Variants in CPNE8 observed in about 807,000 individuals in gnomAD.
The protein encoded by CPNE8 is copine-8.
A neutral mutation model predicts 81.5 loss-of-function variants in CPNE8; 45 were observed. That is an observed-to-expected ratio of 0.55 (90% CI 0.44 to 0.71). The LOEUF (loss-of-function observed/expected upper bound fraction) is 0.71, where lower values mean the gene tolerates loss of function less well. CPNE8 is among the 30% of genes least tolerant of loss of function. The pLI is 0.00. For missense variants in CPNE8, 594 were observed against 672.1 expected, an observed-to-expected ratio of 0.88 and a Z score of 1.28; for synonymous variants, 252 against 226.3, an observed-to-expected ratio of 1.11 and a Z score of -1.02.
rs1374762346 is a variant in CPNE8 at position 38,653,888 on chromosome 12, T to C, written c.1689A>G (p.Gln563=). The C allele has an allele frequency of 1.9e-6, 3 of 1,611,936 alleles. No individual in the cohort carries two copies. Among genetic ancestry groups the C allele is most frequent in the South Asian group, 2.2e-5 (2 of 90,534 alleles). Residue 563 remains glutamine (Q), a synonymous_variant, in exon 20 of 20, where the codon CAA becomes CAG. Transcript: ENST00000331366. ...YTPPTHVLQT[Q]I is the part of the protein sequence containing the mutation. ...TTAGCATTTCAGAGCACAGTCATAT[T>C]TGAGTCTGTAACACATGTGTAGGTG... is the stretch of plus-strand genomic sequence containing the variant.
chr12:38,844,129 A>C (rs976076530), intron 4 of CPNE8, among the ~76,000 whole-genome samples: 5 of 152,204 alleles, frequency 3.3e-5, no homozygotes, highest in African/African-American at 1.2e-4. Flanking sequence ...ATATTTTATA[A>C]TAACATTATA....
At chr12:38,682,328 C>A (rs565262129) in intron 16 of CPNE8, among the ~76,000 whole-genome samples, 2 of 152,194 alleles carry the variant, frequency 1.3e-5, no homozygotes, top group East Asian at 1.9e-4. Context: ...GAGGCCAAGG[C>A]GGGCGGATCG....
chr12:38,787,731 A>G (rs1291027360), intron 6 of CPNE8, among the ~76,000 whole-genome samples: 1 of 151,688 alleles, frequency 6.6e-6, no homozygotes, highest in African/African-American at 2.4e-5. Context: ...AGAAGAGCCA[A>G]ATAAATAAAA....
chr12:38,655,395 G>T (rs929375098), intron 19 of CPNE8, among the ~76,000 whole-genome samples: 8 of 152,130 alleles, frequency 5.3e-5, no homozygotes, highest in Admixed American at 5.2e-4. Context: ...ACTTTGAAGT[G>T]ATTGGAACTG....
rs1354780905 is a variant in CPNE8 at position 38,652,450 on chromosome 12, T to G, written c.*1432A>C. 2.6e-5 allele frequency: 4 copies of G among 152,576 alleles called. No individual in the cohort carries two copies. The highest frequency in any genetic ancestry group is 2.6e-4 in the Admixed American group (4 of 15,272). 9.5% of individuals were successfully genotyped at this position (152,576 alleles called of 1,614,324 possible). ...ACTGTTAGATATGTGGATGTATATA[T>G]TTTTCTTTCCAGTAAAATAGTTTCA... On this transcript the variant is annotated 3_prime_UTR_variant, in exon 20 of 20. Coordinates refer to ENST00000331366, the MANE Select transcript of CPNE8 (RefSeq NM_153634.3).
intron 5 of CPNE8, among the ~76,000 whole-genome samples, chr12:38,835,435 A>T (rs1943363673): frequency 6.6e-6 from 1 of 152,128 alleles, no homozygotes; most frequent in Non-Finnish European, 1.5e-5. Flanking sequence ...TATCTTAATC[A>T]CTTATTGTAT....
intron 19 of CPNE8, among the ~76,000 whole-genome samples, chr12:38,656,964 C>T (rs775518250): frequency 1.3e-5 from 2 of 152,142 alleles, no homozygotes; most frequent in Non-Finnish European, 1.5e-5. Context: ...GTGACAGACA[C>T]AGAAGATGGG....
At chr12:38,891,898 A>C (rs964279213) in intron 1 of CPNE8, among the ~76,000 whole-genome samples, 16 of 152,288 alleles carry the variant, frequency 1.1e-4, no homozygotes, top group African/African-American at 3.9e-4. Flanking sequence ...TTTTGTAATA[A>C]TCAATGATAA....
At chr12:38,754,094 A>G (rs1408877109) in intron 10 of CPNE8, among the ~76,000 whole-genome samples, 1 of 152,234 alleles carries the variant, frequency 6.6e-6, no homozygotes, top group Non-Finnish European at 1.5e-5. Flanking sequence ...ATGACTTTCA[A>G]TGTACAAGGA....
At chr12:38,808,364 A>T (rs1054153233) in intron 6 of CPNE8, among the ~76,000 whole-genome samples, 4 of 152,108 alleles carry the variant, frequency 2.6e-5, no homozygotes, top group African/African-American at 9.7e-5. Context: ...CAAATGTCCA[A>T]CAACGATAGA....
intron 7 of CPNE8, among the ~76,000 whole-genome samples, chr12:38,771,214 T>C (rs1941792661): frequency 6.6e-6 from 1 of 151,932 alleles, no homozygotes; most frequent in South Asian, 2.1e-4. Flanking sequence ...ACCCCAGCGC[T>C]TTGGGAGGGC....
rs567490684 is a variant in CPNE8 at position 38,887,839 on chromosome 12, C to T, written c.99-13328G>A. ...AATACATTACACCATTCCCTAACTA[C>T]GTTACAACACTTGAGATTATATATC... On this transcript the variant is annotated intron_variant, in intron 1 of 19. Transcript: ENST00000331366. Among the ~76,000 whole-genome samples the T allele has an allele frequency of 4.6e-5, 7 of 152,288 alleles. No homozygotes were observed. The South Asian group carries it at 6.2e-4, about 14-fold the overall frequency.
At chr12:38,888,140 G>T (rs1324824448) in intron 1 of CPNE8, among the ~76,000 whole-genome samples, 2 of 152,152 alleles carry the variant, frequency 1.3e-5, no homozygotes, top group Non-Finnish European at 2.9e-5. Flanking sequence ...ACATACTGCT[G>T]CCTTCCAAGC....
At position 38,905,548 on chromosome 12, in the gene CPNE8, G is replaced by A. The variant is rs1247604226; in HGVS notation, c.-14C>T. On this transcript the variant is annotated 5_prime_UTR_variant, in exon 1 of 20. Coordinates refer to ENST00000331366, the MANE Select transcript of CPNE8 (RefSeq NM_153634.3). ...GCGGCTGTCCATATTGGGAGGAGGCGCCTTGGACTTGTCCGGCGCCCACAA... is the reference window on the plus strand; with the variant it reads ...GCGGCTGTCCATATTGGGAGGAGGCACCTTGGACTTGTCCGGCGCCCACAA... 1.3e-6 allele frequency: 2 copies of A among 1,553,590 alleles called. No individual in the cohort carries two copies. The highest frequency in any genetic ancestry group is 8.7e-7 in the Non-Finnish European group (1 of 1,149,806).
chr12:38,894,262 A>C (rs1944354565), intron 1 of CPNE8, among the ~76,000 whole-genome samples: 1 of 152,186 alleles, frequency 6.6e-6, no homozygotes, highest in African/African-American at 2.4e-5. Context: ...GAAACAAAGA[A>C]AATAAAGCCA....
At chr12:38,713,624 GA>G (rs1298147007) in intron 13 of CPNE8, among the ~76,000 whole-genome samples, 4 of 151,808 alleles carry the variant, frequency 2.6e-5, no homozygotes, top group East Asian at 1.9e-4. Flanking sequence ...AAATTTGGGA[GA>G]AAAAAAGGGT....
At chr12:38,902,397 A>AAGAAAGAAAG (rs1944501015) in intron 1 of CPNE8, among the ~76,000 whole-genome samples, 1 of 139,354 alleles carries the variant, frequency 7.2e-6, no homozygotes, top group Admixed American at 6.9e-5. Context: ...AAGAAAGAGA[A>AAGAAAGAAAG]AGAAAGAAAG....
rs1943080960 is a variant in CPNE8 at position 38,819,609 on chromosome 12, T to C, written c.407+9770A>G. On this transcript the variant is annotated intron_variant, in intron 6 of 19. Transcript: ENST00000331366. Reference sequence around the variant, plus strand: ...GGTGAAACCCTGTCTCTACTAAAAATACAAAAAATTAGCCGGGCGTGATGG... The same window carrying C: ...GGTGAAACCCTGTCTCTACTAAAAACACAAAAAATTAGCCGGGCGTGATGG... Among the ~76,000 whole-genome samples the C allele has an allele frequency of 2.6e-5, 4 of 151,400 alleles. No homozygotes were observed. In the South Asian group the frequency reaches 8.4e-4, roughly 32 times the overall value.
At chr12:38,895,812 A>G (rs1944381118) in intron 1 of CPNE8, among the ~76,000 whole-genome samples, 1 of 152,148 alleles carries the variant, frequency 6.6e-6, no homozygotes, top group African/African-American at 2.4e-5. Flanking sequence ...TCAAGCCGAC[A>G]ATAAAGAATT....
Sources: gnomAD v4.1 joint callset for allele counts (sites outside exome capture counted in the v4.1 genomes callset) on GRCh38, gnomAD v4.1.1 for gene constraint, MANE v1.5 for transcripts, NCBI Gene and HGNC (gene_info 2026-07-23, HGNC 2026-07-21) for gene names.